The following ADGRL3 variants were observed in gnomAD, a reference collection of about 807,000 sequenced individuals.
The protein encoded by ADGRL3 is adhesion G protein-coupled receptor L3.
A neutral mutation model predicts 153.5 loss-of-function variants in ADGRL3; 62 were observed. The ratio of observed to expected loss-of-function variants is 0.40; its 90% confidence interval spans 0.33 to 0.50. The LOEUF (loss-of-function observed/expected upper bound fraction) is 0.50, where lower values mean the gene tolerates loss of function less well. Ranked by LOEUF, ADGRL3 falls within the 20% of genes least tolerant of loss-of-function variation. The pLI is 0.47. For synonymous variants in ADGRL3, 710 were observed against 672.5 expected (o/e 1.06, Z -0.86); for missense variants, 1,641 against 1,859.4 (o/e 0.88, Z 2.16).
chr4:61,549,496 C>G (rs909231391), intron 4 of ADGRL3, among the ~76,000 whole-genome samples: 1 of 151,972 alleles, frequency 6.6e-6, no homozygotes, highest in Non-Finnish European at 1.5e-5. Context: ...ACTTCCTCTG[C>G]TATCCTCAGT....
chr4:61,353,158 C>T (rs1478877715), intron 1 of ADGRL3, among the ~76,000 whole-genome samples: 1 of 151,778 alleles, frequency 6.6e-6, no homozygotes, highest in Non-Finnish European at 1.5e-5. Context: ...TATTTGTGTG[C>T]TATTTTGAAT....
intron 2 of ADGRL3, among the ~76,000 whole-genome samples, chr4:61,446,338 A>G (rs1445851404): frequency 6.6e-6 from 1 of 152,168 alleles, no homozygotes; most frequent in Non-Finnish European, 1.5e-5. Flanking sequence ...CTATTCTTCT[A>G]GCAAATATAT....
intron 2 of ADGRL3, among the ~76,000 whole-genome samples, chr4:61,445,125 C>A: frequency 6.6e-6 from 1 of 152,016 alleles, no homozygotes; most frequent in Non-Finnish European, 1.5e-5. Flanking sequence ...TCCATTATTT[C>A]AGATACTCTC....
At chr4:61,332,118 AC>A (rs2095585158) in intron 1 of ADGRL3, among the ~76,000 whole-genome samples, 2 of 152,310 alleles carry the variant, frequency 1.3e-5, no homozygotes, top group East Asian at 3.9e-4. Context: ...AATTAATAAT[AC>A]CCATGAACAA....
At chr4:61,675,182 C>G (rs766679294) in intron 5 of ADGRL3, among the ~76,000 whole-genome samples, 1 of 151,912 alleles carries the variant, frequency 6.6e-6, no homozygotes, top group Non-Finnish European at 1.5e-5. Context: ...TATTTTTACA[C>G]TAAATCAAAG....
chr4:61,233,793 T>C (rs181228834), intron 1 of ADGRL3, among the ~76,000 whole-genome samples: 1 of 152,222 alleles, frequency 6.6e-6, no homozygotes, highest in Non-Finnish European at 1.5e-5. Flanking sequence ...ATTCTGGGCC[T>C]TGATGGACCT....
chr4:61,426,271 G>A (rs1188978999), intron 2 of ADGRL3, among the ~76,000 whole-genome samples: 2 of 152,302 alleles, frequency 1.3e-5, no homozygotes, highest in East Asian at 3.9e-4. Flanking sequence ...GATTGCCATA[G>A]GTGTCTCCTT....
chr4:61,741,598 GC>G (rs771781773), intron 8 of ADGRL3, among the ~76,000 whole-genome samples: 2 of 152,206 alleles, frequency 1.3e-5, no homozygotes, highest in South Asian at 4.1e-4. Flanking sequence ...CTTCACAGCA[GC>G]TGAATTTTCT....
At chr4:61,337,265 CTT>C (rs2151069277) in intron 1 of ADGRL3, among the ~76,000 whole-genome samples, 1 of 152,246 alleles carries the variant, frequency 6.6e-6, no homozygotes, top group East Asian at 1.9e-4. Context: ...TTTATTCCCT[CTT>C]GTCTGTGGGG....
Position 62,070,480 on chromosome 4 carries a change from C to T in ADGRL3, c.4204C>T (p.Pro1402Ser). Residue 1402 changes from proline to serine, a missense_variant, in exon 27 of 27, where the codon CCT (proline) becomes TCT (serine). Pro to Ser is a moderately conservative substitution (Grantham distance 74, BLOSUM62 -1). Around this residue, in one of 5 missense-constraint regions of ADGRL3, gnomAD observed 517 missense variants for 555.0 expected, o/e 0.93. Coordinates refer to ENST00000683033, the MANE Select transcript of ADGRL3 (RefSeq NM_001387552.1). Reference sequence around the variant, plus strand: ...ACTCATTCATGAGGAATCTGATGCTCCTTTGCTGCCCCCAAGAGTATACTC... The same window carrying T: ...ACTCATTCATGAGGAATCTGATGCTTCTTTGCTGCCCCCAAGAGTATACTC... ...LELIHEESDAPLLPPRVYSTE... is the reference protein window; with the variant it reads ...LELIHEESDASLLPPRVYSTE... 1 of 1,551,440 alleles carries T rather than the reference C, an allele frequency of 6.4e-7. No individual in the cohort carries two copies. Among genetic ancestry groups the T allele is most frequent in the Non-Finnish European group, 8.7e-7 (1 of 1,146,924 alleles).
chr4:61,569,114 G>A (rs1013741467), intron 4 of ADGRL3, among the ~76,000 whole-genome samples: 4 of 152,026 alleles, frequency 2.6e-5, no homozygotes, highest in South Asian at 4.1e-4. Context: ...TGGTTTAAGA[G>A]AAAATGTATT....
At chr4:61,632,081 A>G (rs1228816400) in intron 5 of ADGRL3, among the ~76,000 whole-genome samples, 3 of 152,206 alleles carry the variant, frequency 2.0e-5, no homozygotes, top group Non-Finnish European at 4.4e-5. Flanking sequence ...GTCAAAGATA[A>G]TTACTAATAG....
At chr4:61,231,906 T>G (rs1482752854) in intron 1 of ADGRL3, among the ~76,000 whole-genome samples, 1 of 151,980 alleles carries the variant, frequency 6.6e-6, no homozygotes, top group Non-Finnish European at 1.5e-5. Context: ...ATTATGACTC[T>G]ATAATATTAC....
At chr4:61,581,549 G>A (rs1306774203) in intron 4 of ADGRL3, among the ~76,000 whole-genome samples, 2 of 151,984 alleles carry the variant, frequency 1.3e-5, no homozygotes, top group Non-Finnish European at 2.9e-5. Context: ...TAGTTGCTGT[G>A]TCTCCAGGAC....
intron 1 of ADGRL3, among the ~76,000 whole-genome samples, chr4:61,223,767 A>G (rs1240636740): frequency 1.3e-5 from 2 of 152,248 alleles, no homozygotes; most frequent in African/African-American, 2.4e-5. Context: ...TGTGAAACAC[A>G]ATAGAAACGA....
At chr4:61,642,352 A>C (rs2093721196) in intron 5 of ADGRL3, among the ~76,000 whole-genome samples, 2 of 152,286 alleles carry the variant, frequency 1.3e-5, no homozygotes, top group Admixed American at 6.5e-5. Context: ...TTAGACATGA[A>C]GTCCTTGCCC....
At chr4:61,734,321 G>C (rs2096481791) in intron 8 of ADGRL3, among the ~76,000 whole-genome samples, 1 of 151,800 alleles carries the variant, frequency 6.6e-6, no homozygotes, top group Non-Finnish European at 1.5e-5. Flanking sequence ...AGTGTGTTAT[G>C]TTAGTCCATT....
chr4:61,847,861 TAATATAAAATATATTATATATAATATAA>T, intron 9 of ADGRL3, among the ~76,000 whole-genome samples: 1 of 18,562 alleles, frequency 5.4e-5, no homozygotes, highest in Non-Finnish European at 1.3e-4. Flanking sequence ...ATATTATATA[TAATATAAAATATATTATATATAATATAA>T]AATATATTAT....
At chr4:61,778,415 T>A (rs1303275499) in intron 8 of ADGRL3, among the ~76,000 whole-genome samples, 3 of 152,146 alleles carry the variant, frequency 2.0e-5, no homozygotes, top group Non-Finnish European at 4.4e-5. Context: ...AGGACAAACG[T>A]GGAAAAACAT....
Sources: allele counts gnomAD v4.1 joint callset (sites outside exome capture counted in the v4.1 genomes callset), GRCh38; gene constraint gnomAD v4.1.1; regional missense constraint gnomAD v4.1.1; transcripts MANE v1.5; gene names NCBI Gene and HGNC (gene_info 2026-07-23, HGNC 2026-07-21).